Variants in B4GALT6 observed in about 807,000 individuals in gnomAD.
The protein encoded by B4GALT6 is UDP-Gal:beta-GlcNAc beta-1,4-galactosyltransferase 6.
A neutral mutation model predicts 46.3 loss-of-function variants in B4GALT6; 14 were observed. The observed-to-expected ratio is 0.30, with a 90% confidence interval of 0.20 to 0.47. The LOEUF (loss-of-function observed/expected upper bound fraction) is 0.47. B4GALT6 is among the 20% of genes least tolerant of loss of function. The pLI is 0.99. For missense variants in B4GALT6, 386 were observed against 480.1 expected (o/e 0.80, Z 1.83); for synonymous variants, 168 against 162.0 (o/e 1.04, Z -0.28).
At chr18:31,699,292 A>G in the B4GALT6 span, among the ~76,000 whole-genome samples, 4 of 113,490 alleles carry the variant, frequency 3.5e-5, no homozygotes, top group Admixed American at 9.4e-5. Flanking sequence ...TTTTTTTTTG[A>G]GACAGATTCT....
At chr18:31,722,079 G>T in the B4GALT6 span, among the ~76,000 whole-genome samples, 2 of 152,094 alleles carry the variant, frequency 1.3e-5, no homozygotes, top group South Asian at 4.1e-4. Flanking sequence ...CTGTAGTACT[G>T]AAGAAATAAT....
At chr18:31,660,655 A>G (rs1425612000) in intron 2 of B4GALT6, among the ~76,000 whole-genome samples, 1 of 152,154 alleles carries the variant, frequency 6.6e-6, no homozygotes, top group Non-Finnish European at 1.5e-5. Context: ...TCCCAGAAAG[A>G]TAGAAAGGAA....
chr18:31,696,886 T>G, the B4GALT6 span, among the ~76,000 whole-genome samples: 3 of 152,198 alleles, frequency 2.0e-5, no homozygotes, highest in South Asian at 4.1e-4. Flanking sequence ...CTAATGATTG[T>G]GTAGTTGAGT....
the B4GALT6 span, among the ~76,000 whole-genome samples, chr18:31,716,226 C>T: frequency 6.6e-6 from 1 of 152,122 alleles, no homozygotes; most frequent in Non-Finnish European, 1.5e-5. Context: ...TTCCAGCCCA[C>T]CAATCAATTC....
intron 3 of B4GALT6, among the ~76,000 whole-genome samples, chr18:31,652,805 C>A (rs1463394780): frequency 9.2e-5 from 14 of 152,176 alleles, no homozygotes; most frequent in Non-Finnish European, 2.9e-5. Flanking sequence ...AACGCCACAG[C>A]CTTGGCACTT....
At chr18:31,688,003 A>G (rs1411087496), upstream of B4GALT6, among the ~76,000 whole-genome samples, 3 of 152,084 alleles carry the variant, frequency 2.0e-5, no homozygotes, top group African/African-American at 7.2e-5. Context: ...ATGAAAGAAA[A>G]TAGTGTATAG....
upstream of B4GALT6, chr18:31,686,376 T>C (rs1293948151): frequency 6.6e-6 from 1 of 152,228 alleles, no homozygotes; most frequent in African/African-American, 2.4e-5. Flanking sequence ...GTGAGACCCC[T>C]GGAAGCTACT....
At chr18:31,638,793 A>C in intron 4 of B4GALT6, 33 bp from the exon 5 acceptor site, 1 of 1,497,208 alleles carries the variant, frequency 6.7e-7, no homozygotes, top group Non-Finnish European at 9.3e-7. Flanking sequence ...ATGTAAATAA[A>C]TATATCTACC....
In B4GALT6 at chr18:31,625,468, A is replaced by T; in HGVS notation, c.*146T>A. 1 of 813,126 alleles carries T rather than the reference A, an allele frequency of 1.2e-6. No homozygotes were observed. Among genetic ancestry groups the T allele is most frequent in the Non-Finnish European group, 1.9e-6 (1 of 518,198 alleles). The allele number at this position is 813,126 out of a possible 1,614,324, so 50.4% of individuals were successfully genotyped here. On this transcript the variant is annotated 3_prime_UTR_variant, in exon 9 of 9. Transcript: ENST00000306851. Reference sequence around the variant, plus strand: ...GGGTGAGAGAAGGGTGACTGTATATAGTCCCACTCTGTAAACACTGTGGAC... The same window carrying T: ...GGGTGAGAGAAGGGTGACTGTATATTGTCCCACTCTGTAAACACTGTGGAC...
At chr18:31,701,767 A>C in the B4GALT6 span, among the ~76,000 whole-genome samples, 1 of 152,158 alleles carries the variant, frequency 6.6e-6, no homozygotes, top group Admixed American at 6.5e-5. Context: ...CAAAATTTAA[A>C]TTTTCTTTAT....
the B4GALT6 span, among the ~76,000 whole-genome samples, chr18:31,697,323 T>C: frequency 1.3e-5 from 2 of 151,616 alleles, no homozygotes; most frequent in African/African-American, 2.4e-5. Flanking sequence ...ATGGAGAAGA[T>C]GGCAGGCAGA....
intron 1 of B4GALT6, among the ~76,000 whole-genome samples, chr18:31,667,140 GA>G (rs2074292401): frequency 6.6e-6 from 1 of 152,190 alleles, no homozygotes; most frequent in African/African-American, 2.4e-5. Context: ...CAGAGGCACA[GA>G]ACTAAGTCAG....
In B4GALT6 at chr18:31,673,925, G is replaced by GAC. The variant is rs546958861; in HGVS notation, c.116-7555_116-7554dup. ...GGTAGAGATTTCACACACTCTCACA[G>GAC]ACACACACACACAGACACACACACA... On this transcript the variant is annotated intron_variant, in intron 1 of 8. Coordinates refer to ENST00000306851, the MANE Select transcript of B4GALT6 (RefSeq NM_004775.5). Among the ~76,000 whole-genome samples, 837 of 151,708 alleles carry GAC rather than the reference G, an allele frequency of 5.5e-3. 6 individuals are homozygous for GAC. Among genetic ancestry groups the GAC allele is most frequent in the African/African-American group, 0.019 (795 of 41,370 alleles).
At chr18:31,688,247 G>GTATATATATATATATACATATA (rs1555643326), upstream of B4GALT6, among the ~76,000 whole-genome samples, 2 of 106,466 alleles carry the variant, frequency 1.9e-5, no homozygotes, top group Admixed American at 1.9e-4. Context: ...ATAATTGAGT[G>GTATATATATATATATACATATA]TATATATATA....
chr18:31,709,595 GTGTGTGTGTA>G, the B4GALT6 span, among the ~76,000 whole-genome samples: 12 of 58,160 alleles, frequency 2.1e-4, no homozygotes, highest in South Asian at 7.7e-4. Context: ...GTGTGTGTGT[GTGTGTGTGTA>G]TATATATATC....
chr18:31,670,322 T>C (rs1212848539), intron 1 of B4GALT6, among the ~76,000 whole-genome samples: 11 of 152,172 alleles, frequency 7.2e-5, no homozygotes, highest in Non-Finnish European at 1.5e-4. Flanking sequence ...CTCAAAGTGG[T>C]GGGATCACAG....
At chr18:31,709,434 C>CATATATATAT in the B4GALT6 span, among the ~76,000 whole-genome samples, 267 of 130,964 alleles carry the variant, frequency 2.0e-3, 3 homozygotes, top group African/African-American at 4.4e-3. Flanking sequence ...GCAATTCATA[C>CATATATATAT]ATATATATAT....
At chr18:31,693,498 T>C in the B4GALT6 span, among the ~76,000 whole-genome samples, 1 of 152,252 alleles carries the variant, frequency 6.6e-6, no homozygotes, top group South Asian at 2.1e-4. Flanking sequence ...ATTAATAAAA[T>C]ATTATAGCTT....
chr18:31,645,342 G>A lies in B4GALT6; in HGVS notation c.471+13C>T. 6.2e-7 allele frequency: 1 copy of A among 1,612,830 alleles called. No individual in the cohort carries two copies. ...GTAACAATCAAATTGCTTATGAAAA[G>A]AATTTACCTCACCTTCCATCTGGGT... On this transcript the variant is annotated intron_variant, in intron 4 of 8. Coordinates refer to ENST00000306851, the MANE Select transcript of B4GALT6 (RefSeq NM_004775.5).
Sources: gnomAD v4.1 joint callset for allele counts (sites outside exome capture counted in the v4.1 genomes callset) on GRCh38, gnomAD v4.1.1 for gene constraint, MANE v1.5 for transcripts, NCBI Gene and HGNC (gene_info 2026-07-23, HGNC 2026-07-21) for gene names.